Variants in NEDD4L observed in about 807,000 individuals in gnomAD.
NEDD4L encodes E3 ubiquitin-protein ligase NEDD4-like.
In NEDD4L, 54 loss-of-function variants were observed where a neutral mutation model predicts 148.9. That is an observed-to-expected ratio of 0.36 (90% CI 0.29 to 0.45). The LOEUF (loss-of-function observed/expected upper bound fraction) is 0.45. NEDD4L is among the 20% of genes least tolerant of loss of function. NEDD4L has a pLI of 1.00. For missense variants in NEDD4L, 856 were observed against 1,233.8 expected (o/e 0.69, Z 4.59); for synonymous variants, 433 against 440.7 (o/e 0.98, Z 0.22).
At chr18:58,348,365 T>G (rs1359325480) in intron 16 of NEDD4L, among the ~76,000 whole-genome samples, 1 of 132,252 alleles carries the variant, frequency 7.6e-6, no homozygotes, top group Admixed American at 7.8e-5. Context: ...GGAGTCTCAC[T>G]CTGTTGCCCA....
At chr18:58,115,397 C>T (rs538137446) in intron 1 of NEDD4L, among the ~76,000 whole-genome samples, 12 of 152,060 alleles carry the variant, frequency 7.9e-5, no homozygotes, top group African/African-American at 2.4e-4. Flanking sequence ...TCAAGTTTTT[C>T]GGGAAGACAA....
At chr18:58,151,970 A>G (rs1019840133) in intron 1 of NEDD4L, among the ~76,000 whole-genome samples, 20 of 152,254 alleles carry the variant, frequency 1.3e-4, no homozygotes, top group African/African-American at 4.6e-4. Flanking sequence ...TGGAGCATCA[A>G]ATAATATATC....
At chr18:58,207,303 A>G (rs541427) in intron 2 of NEDD4L, among the ~76,000 whole-genome samples, 80,110 of 151,302 alleles carry the variant, frequency 0.53, 22,836 homozygotes, top group Non-Finnish European at 0.64. Context: ...TCAACCAAAT[A>G]CCTTATTTTA....
chr18:58,326,979 G>A (rs2059364907), intron 9 of NEDD4L, among the ~76,000 whole-genome samples: 1 of 152,174 alleles, frequency 6.6e-6, no homozygotes, highest in Admixed American at 6.5e-5. Context: ...TTTTTAATGT[G>A]TTGATTAGAC....
At chr18:58,301,456 T>C (rs1301426880) in intron 5 of NEDD4L, among the ~76,000 whole-genome samples, 2 of 152,220 alleles carry the variant, frequency 1.3e-5, no homozygotes, top group African/African-American at 4.8e-5. Flanking sequence ...TCTGGTTTTC[T>C]TTCCAGGGAG....
intron 26 of NEDD4L, among the ~76,000 whole-genome samples, chr18:58,386,725 G>A (rs1347025037): frequency 2.6e-5 from 4 of 152,168 alleles, no homozygotes; most frequent in African/African-American, 7.2e-5. Context: ...CAGAGCTCTC[G>A]TGGGGTGATG....
intron 10 of NEDD4L, among the ~76,000 whole-genome samples, chr18:58,329,658 ATTTTT>A (rs1034872422): frequency 7.4e-6 from 1 of 135,570 alleles, no homozygotes; most frequent in Admixed American, 7.5e-5. Flanking sequence ...ACAATGGCTA[ATTTTT>A]TTTTTTTTTT....
At position 58,123,964 on chromosome 18, in the gene NEDD4L, C is replaced by T. The variant is rs144173977; in HGVS notation, c.49-41824C>T. ...GTTTCTTCCTTTCTTCCGCATCCTT[C>T]CAAATAGCGTAAAAACAGGCCTTAT... On this transcript the variant is annotated intron_variant, in intron 1 of 30. Coordinates refer to ENST00000400345, the MANE Select transcript of NEDD4L (RefSeq NM_001144967.3). Among the ~76,000 whole-genome samples, 3 of 152,320 alleles carry T rather than the reference C, an allele frequency of 2.0e-5. No individual in the cohort carries two copies. In the East Asian group the frequency reaches 5.8e-4, roughly 29 times the overall value.
chr18:58,348,326 C>CTTTTTTTTTTTTTTTTTTTT lies in NEDD4L; in HGVS notation c.1576-1207_1576-1188dup, dbSNP rs771263533. The stretch of plus-strand genomic sequence containing the variant: ...CACTGCATTTCTTTTTCTTTTTTTT[C>CTTTTTTTTTTTTTTTTTTTT]TTTTTTTTTTTTTTTTTTTTTTTGA... On this transcript the variant is annotated intron_variant, in intron 16 of 30. Coordinates refer to ENST00000400345, the MANE Select transcript of NEDD4L (RefSeq NM_001144967.3). Among the ~76,000 whole-genome samples, 72 of 88,632 alleles carry CTTTTTTTTTTTTTTTTTTTT rather than the reference C, an allele frequency of 8.1e-4. 2 individuals are homozygous for CTTTTTTTTTTTTTTTTTTTT. Among genetic ancestry groups the CTTTTTTTTTTTTTTTTTTTT allele is most frequent in the African/African-American group, 1.2e-3 (23 of 18,522 alleles). 58.1% of individuals were successfully genotyped at this position (88,632 alleles called of 152,430 possible). A position where few individuals can be genotyped will look rare whatever the true frequency, so the allele number is the denominator to read the frequency against.
chr18:58,183,896 A>G lies in NEDD4L; in HGVS notation c.122+18035A>G, dbSNP rs80183375. On this transcript the variant is annotated intron_variant, in intron 2 of 30. Coordinates refer to ENST00000400345, the MANE Select transcript of NEDD4L (RefSeq NM_001144967.3). Reference sequence around the variant, plus strand: ...GCTGTTAAGACTTCTAAGGCCAGGCATGGTGGCTCACGCCTGTAATCCCAG... The same window carrying G: ...GCTGTTAAGACTTCTAAGGCCAGGCGTGGTGGCTCACGCCTGTAATCCCAG... 8.9e-3 allele frequency among the ~76,000 whole-genome samples: 1,358 copies of G among 152,230 alleles called. 20 individuals are homozygous for G. Among genetic ancestry groups the G allele is most frequent in the African/African-American group, 0.03 (1,226 of 41,536 alleles).
chr18:58,323,321 G>T lies in NEDD4L; in HGVS notation c.500G>T (p.Arg167Met). ...GGQDEENSDQRDDMEHGWEVV... is the reference protein window; with the variant it reads ...GGQDEENSDQMDDMEHGWEVV... ...CAAGATGAAGAAAACAGTGACCAGA[G>T]GGATGACATGGAGGTACGTGGAGGG... The change falls in exon 8 of 31, where the codon AGG becomes ATG. Residue 167 changes from arginine (R) to methionine (M), a missense_variant. By Grantham distance (91) the Arg-to-Met change is moderately conservative (BLOSUM62 -1). Transcript: ENST00000400345. 6.3e-7 allele frequency: 1 copy of T among 1,585,892 alleles called. No individual in the cohort carries two copies. Among genetic ancestry groups the T allele is most frequent in the Non-Finnish European group, 8.6e-7 (1 of 1,161,720 alleles).
At chr18:58,138,426 C>T (rs2033115168) in intron 1 of NEDD4L, among the ~76,000 whole-genome samples, 1 of 150,856 alleles carries the variant, frequency 6.6e-6, no homozygotes, top group Non-Finnish European at 1.5e-5. Flanking sequence ...TGCACAGGTG[C>T]ATCCCTGATG....
chr18:58,377,574 T>C (rs183876643), intron 24 of NEDD4L, among the ~76,000 whole-genome samples: 1 of 152,230 alleles, frequency 6.6e-6, no homozygotes, highest in East Asian at 1.9e-4. Flanking sequence ...GAAATGTCAG[T>C]GTTTGAACTA....
chr18:58,272,635 A>G (rs79224004), intron 5 of NEDD4L, among the ~76,000 whole-genome samples: 1 of 102,146 alleles, frequency 9.8e-6, no homozygotes, highest in Non-Finnish European at 2.2e-5. Context: ...GTCTCAAAGA[A>G]AAAAAAAAAA....
At chr18:58,342,857 T>C in intron 15 of NEDD4L, 49 bp from the exon 16 acceptor site, 2 of 1,427,214 alleles carry the variant, frequency 1.4e-6, no homozygotes, top group East Asian at 2.7e-5. Flanking sequence ...TTTTGGCACA[T>C]TGGAATCGCA....
At chr18:58,349,458 G>T in intron 16 of NEDD4L, 79 bp from the exon 17 acceptor site, 1 of 1,196,978 alleles carries the variant, frequency 8.4e-7, no homozygotes, top group Non-Finnish European at 1.2e-6. Flanking sequence ...GAAACAAACA[G>T]CTCAAGAAGA....
At chr18:58,111,163 G>A (rs1319959367) in intron 1 of NEDD4L, among the ~76,000 whole-genome samples, 3 of 152,140 alleles carry the variant, frequency 2.0e-5, no homozygotes, top group African/African-American at 4.8e-5. Context: ...TGCCTCCTGC[G>A]TTCAAGCAAT....
chr18:58,277,447 G>T (rs950681223), intron 5 of NEDD4L, among the ~76,000 whole-genome samples: 6 of 152,114 alleles, frequency 3.9e-5, no homozygotes, highest in African/African-American at 1.4e-4. Flanking sequence ...GCAGTGAAAA[G>T]AAATGTCTAC....
In NEDD4L at chr18:58,044,528, C is replaced by T; in HGVS notation, c.-133C>T. The T allele has an allele frequency of 1.6e-6, 2 of 1,222,902 alleles. No individual in the cohort carries two copies. Among genetic ancestry groups the T allele is most frequent in the South Asian group, 3.7e-5 (1 of 26,952 alleles). 75.8% of individuals were successfully genotyped at this position (1,222,902 alleles called of 1,614,324 possible). ...GCACCCTCACCTGCCGGCGCCCGGC[C>T]GCTTACCCGGCAGGGCGTGCGCAGG... On this transcript the variant is annotated 5_prime_UTR_variant, in exon 1 of 31. Coordinates refer to ENST00000400345, the MANE Select transcript of NEDD4L (RefSeq NM_001144967.3).
Sources: gnomAD v4.1 joint callset for allele counts (sites outside exome capture counted in the v4.1 genomes callset) on GRCh38, gnomAD v4.1.1 for gene constraint, MANE v1.5 for transcripts, NCBI Gene and HGNC (gene_info 2026-07-23, HGNC 2026-07-21) for gene names.